Variants in GABRG3 observed in about 807,000 individuals in gnomAD.
The protein encoded by GABRG3 is gamma-aminobutyric acid receptor subunit gamma-3.
In GABRG3, 25 loss-of-function variants were observed where a neutral mutation model predicts 48.8. That is an observed-to-expected ratio of 0.51 (90% confidence interval 0.37 to 0.72). The LOEUF (loss-of-function observed/expected upper bound fraction) is 0.72. GABRG3 is among the 30% of genes least tolerant of loss of function. GABRG3 has a pLI of 0.00. For missense variants in GABRG3, 394 were observed against 577.9 expected (o/e 0.68, Z 3.26); for synonymous variants, 227 against 217.6 (o/e 1.04, Z -0.38).
At chr15:27,112,457 T>TTG (rs1555404194) in intron 3 of GABRG3, among the ~76,000 whole-genome samples, 45 of 151,030 alleles carry the variant, frequency 3.0e-4, no homozygotes, top group African/African-American at 1.0e-3. Flanking sequence ...TTTTTTTTTT[T>TTG]GGTATGGGGT....
At chr15:27,364,420 T>C (rs1895123310) in intron 5 of GABRG3, 1 of 152,344 alleles carries the variant, frequency 6.6e-6, no homozygotes, top group Non-Finnish European at 1.5e-5. Context: ...TGATAACAAG[T>C]GGTTCAATCA....
At chr15:27,438,203 C>G (rs940510206) in intron 5 of GABRG3, among the ~76,000 whole-genome samples, 1 of 152,222 alleles carries the variant, frequency 6.6e-6, no homozygotes, top group Admixed American at 6.5e-5. Flanking sequence ...AGGTTCCACT[C>G]TCCTGAAAAT....
chr15:27,356,005 T>C (rs1210830164), intron 5 of GABRG3, among the ~76,000 whole-genome samples: 1 of 152,110 alleles, frequency 6.6e-6, no homozygotes, highest in Non-Finnish European at 1.5e-5. Flanking sequence ...GGGTTGTTTT[T>C]TGGAGTGATG....
At chr15:27,118,484 T>C (rs1048054336) in intron 3 of GABRG3, among the ~76,000 whole-genome samples, 2 of 152,230 alleles carry the variant, frequency 1.3e-5, no homozygotes, top group Non-Finnish European at 2.9e-5. Context: ...ATGGCAGCAA[T>C]GTCCATTAGT....
At chr15:27,470,652 T>C (rs1459402892) in intron 5 of GABRG3, among the ~76,000 whole-genome samples, 1 of 152,146 alleles carries the variant, frequency 6.6e-6, no homozygotes, top group African/African-American at 2.4e-5. Flanking sequence ...TATAAATCAT[T>C]CTTTATTAGC....
chr15:27,310,523 C>G (rs546986701), intron 3 of GABRG3, among the ~76,000 whole-genome samples: 1 of 152,044 alleles, frequency 6.6e-6, no homozygotes, highest in Admixed American at 6.6e-5. Flanking sequence ...TTAGAAGACT[C>G]TGTATTGGAA....
intron 3 of GABRG3, among the ~76,000 whole-genome samples, chr15:27,165,516 A>G (rs1887342789): frequency 6.6e-6 from 1 of 152,082 alleles, no homozygotes; most frequent in African/African-American, 2.4e-5. Flanking sequence ...TTGCTCTTAC[A>G]TTCTCCAAAG....
chr15:27,340,853 G>A (rs1229433801), intron 5 of GABRG3: 2 of 301,076 alleles, frequency 6.6e-6, no homozygotes, highest in East Asian at 7.5e-5. Context: ...ACTTTGCTAA[G>A]AAGAAAAAAG....
chr15:27,316,110 C>T (rs914861272), intron 3 of GABRG3, among the ~76,000 whole-genome samples: 3 of 152,206 alleles, frequency 2.0e-5, no homozygotes, highest in Admixed American at 6.5e-5. Flanking sequence ...ATGGGCCGGG[C>T]GCGGTGGCTC....
At chr15:27,399,573 A>G (rs1052323579) in intron 5 of GABRG3, among the ~76,000 whole-genome samples, 1 of 152,238 alleles carries the variant, frequency 6.6e-6, no homozygotes, top group African/African-American at 2.4e-5. Flanking sequence ...AAGCTTTGAC[A>G]TTCGTAGAAA....
At chr15:27,056,085 C>G (rs1337896711) in intron 3 of GABRG3, among the ~76,000 whole-genome samples, 1 of 152,016 alleles carries the variant, frequency 6.6e-6, no homozygotes, top group East Asian at 1.9e-4. Context: ...TGCAGTGGCT[C>G]AAGCCTGTAA....
intron 3 of GABRG3, among the ~76,000 whole-genome samples, chr15:27,235,934 G>A (rs924589378): frequency 6.6e-5 from 10 of 152,140 alleles, no homozygotes; most frequent in Non-Finnish European, 1.2e-4. Context: ...TCCTCTTCCT[G>A]CTGCAGAGAC....
At chr15:27,210,448 G>C (rs1595587856) in intron 3 of GABRG3, among the ~76,000 whole-genome samples, 2 of 152,294 alleles carry the variant, frequency 1.3e-5, no homozygotes, top group Admixed American at 1.3e-4. Flanking sequence ...TGCCGTGTGT[G>C]CATTCTCTTT....
At chr15:27,461,071 G>A (rs1309914528) in intron 5 of GABRG3, among the ~76,000 whole-genome samples, 1 of 152,108 alleles carries the variant, frequency 6.6e-6, no homozygotes, top group Non-Finnish European at 1.5e-5. Flanking sequence ...ACACGAGATT[G>A]TTTTTGCTAA....
chr15:27,375,609 G>A (rs1895569424), intron 5 of GABRG3, among the ~76,000 whole-genome samples: 1 of 152,174 alleles, frequency 6.6e-6, no homozygotes, highest in Non-Finnish European at 1.5e-5. Context: ...TGTGGTGGAA[G>A]GTGAAAGGCA....
At chr15:27,389,809 A>C (rs776821814) in intron 5 of GABRG3, among the ~76,000 whole-genome samples, 2 of 152,252 alleles carry the variant, frequency 1.3e-5, no homozygotes, top group Non-Finnish European at 2.9e-5. Context: ...AAATGTAAAA[A>C]AGTAAAATAA....
intron 3 of GABRG3, among the ~76,000 whole-genome samples, chr15:27,145,614 T>TATCTATCTATCTATC (rs1555406003): frequency 1.3e-3 from 182 of 143,600 alleles, no homozygotes; most frequent in Admixed American, 6.8e-3. Context: ...TCTATCTATC[T>TATCTATCTATCTATC]ATCTATCTAT....
chr15:27,177,096 A>AG, intron 3 of GABRG3, among the ~76,000 whole-genome samples: 1 of 152,190 alleles, frequency 6.6e-6, no homozygotes, highest in South Asian at 2.1e-4. Flanking sequence ...CTTGATGTGC[A>AG]GGGGGCTAGA....
At chr15:27,313,262 G>GTGTGTATATATA (rs1430430961) in intron 3 of GABRG3, among the ~76,000 whole-genome samples, 11 of 34,550 alleles carry the variant, frequency 3.2e-4, no homozygotes, top group South Asian at 1.3e-3. Flanking sequence ...GTGTGTGTGT[G>GTGTGTATATATA]TATATATATA....
Sources: allele counts gnomAD v4.1 joint callset (sites outside exome capture counted in the v4.1 genomes callset), GRCh38; gene constraint gnomAD v4.1.1; transcripts MANE v1.5; gene names NCBI Gene and HGNC (gene_info 2026-07-23, HGNC 2026-07-21).